CPQ: variants seen among roughly 807,000 people sequenced by gnomAD.
CPQ encodes Ser-Met dipeptidase.
In CPQ, 37 loss-of-function variants were observed where a neutral mutation model predicts 45.7. That is an observed-to-expected ratio of 0.81 (90% CI 0.62 to 1.07). The LOEUF is 1.07. Ranked by LOEUF, CPQ falls within the 50% of genes least tolerant of loss-of-function variation. The pLI is 0.00. For missense variants in CPQ, 537 were observed against 572.9 expected (o/e 0.94, Z 0.64); for synonymous variants, 186 against 205.8 (o/e 0.90, Z 0.82).
intron 6 of CPQ, among the ~76,000 whole-genome samples, chr8:97,040,552 C>T (rs1810100476): frequency 6.6e-6 from 1 of 152,220 alleles, no homozygotes; most frequent in South Asian, 2.1e-4. Context: ...ACATGAAGGC[C>T]TTGCCCATGC....
At chr8:96,963,280 T>G (rs1813492065) in intron 4 of CPQ, among the ~76,000 whole-genome samples, 1 of 152,274 alleles carries the variant, frequency 6.6e-6, no homozygotes, top group African/African-American at 2.4e-5. Context: ...GAATGTTGAC[T>G]AATTGGGCTG....
At chr8:96,675,859 T>C (rs1809070771) in intron 1 of CPQ, among the ~76,000 whole-genome samples, 1 of 152,084 alleles carries the variant, frequency 6.6e-6, no homozygotes, top group East Asian at 1.9e-4. Flanking sequence ...GAAAATATTA[T>C]TGATCCTTTT....
At position 96,806,515 on chromosome 8, in the gene CPQ, A is replaced by G. The variant is rs187173435; in HGVS notation, c.433+21185A>G. ...TAAAAATATGAAATTATTATTAAGG[A>G]AGAGTAGTAAACCAGGTCAGATTTA... is the stretch of plus-strand genomic sequence containing the variant. On this transcript the variant is annotated intron_variant, in intron 2 of 7. Coordinates refer to ENST00000220763, the MANE Select transcript of CPQ (RefSeq NM_016134.4). 2.3e-3 allele frequency among the ~76,000 whole-genome samples: 346 copies of G among 152,294 alleles called. 4 individuals are homozygous for G. Among genetic ancestry groups the G allele is most frequent in the African/African-American group, 8.1e-3 (338 of 41,564 alleles).
chr8:96,909,747 C>T (rs1051668368), intron 4 of CPQ, among the ~76,000 whole-genome samples: 1 of 152,110 alleles, frequency 6.6e-6, no homozygotes, highest in Non-Finnish European at 1.5e-5. Context: ...CTCTGGTAGC[C>T]AGCCTGCCTG....
intron 2 of CPQ, among the ~76,000 whole-genome samples, chr8:96,824,760 T>C (rs1811355651): frequency 6.6e-6 from 1 of 152,044 alleles, no homozygotes; most frequent in Non-Finnish European, 1.5e-5. Flanking sequence ...GGATGCCTGG[T>C]TTTCTTAATT....
chr8:97,028,794 A>G (rs749387179), intron 5 of CPQ, among the ~76,000 whole-genome samples: 3 of 152,232 alleles, frequency 2.0e-5, no homozygotes, highest in Non-Finnish European at 2.9e-5. Context: ...TAAGGTCAAT[A>G]AATGTCATCC....
rs532724520 is a variant in CPQ, at chr8:97,077,171, G to C, written c.1255+10961G>C. On this transcript the variant is annotated intron_variant, in intron 7 of 7. Transcript: ENST00000220763. ...ATATCAAGCAATTCAACTTTTTCTT[G>C]TAAAGTCACGACTTTTCCCTGCTTC... 6.6e-5 allele frequency among the ~76,000 whole-genome samples: 10 copies of C among 152,250 alleles called. No homozygotes were observed. The East Asian group carries it at 1.4e-3, about 21-fold the overall frequency.
chr8:96,969,924 G>A (rs1368328618), intron 5 of CPQ, among the ~76,000 whole-genome samples: 1 of 152,206 alleles, frequency 6.6e-6, no homozygotes, highest in African/African-American at 2.4e-5. Flanking sequence ...GAGGTAAGGA[G>A]TTGGAAGAGT....
At chr8:97,089,724 C>G (rs927039160) in intron 7 of CPQ, among the ~76,000 whole-genome samples, 2 of 152,146 alleles carry the variant, frequency 1.3e-5, no homozygotes, top group East Asian at 3.9e-4. Flanking sequence ...GTGTATTGAA[C>G]TCAACCTAGG....
At chr8:96,708,983 T>A (rs921894085) in intron 1 of CPQ, among the ~76,000 whole-genome samples, 19 of 152,164 alleles carry the variant, frequency 1.2e-4, no homozygotes, top group Admixed American at 1.1e-3. Flanking sequence ...TAGAATTTAA[T>A]TTTTTTATAG....
chr8:96,738,103 C>A (rs1414269082), intron 1 of CPQ, among the ~76,000 whole-genome samples: 1 of 152,018 alleles, frequency 6.6e-6, no homozygotes, highest in Non-Finnish European at 1.5e-5. Context: ...GATATAGATT[C>A]TCTGAAATTT....
intron 1 of CPQ, among the ~76,000 whole-genome samples, chr8:96,750,613 C>CT (rs1000073941): frequency 4.9e-5 from 7 of 143,764 alleles, no homozygotes; most frequent in East Asian, 2.0e-4. Context: ...CTGGTTTTCA[C>CT]TTTTTTTTTT....
intron 1 of CPQ, among the ~76,000 whole-genome samples, chr8:96,728,493 C>CT (rs1809871860): frequency 6.6e-6 from 1 of 152,122 alleles, no homozygotes; most frequent in Admixed American, 6.6e-5. Flanking sequence ...AGGTCTTTGA[C>CT]TTTCCCCCGT....
At chr8:96,730,763 T>A (rs1809900447) in intron 1 of CPQ, among the ~76,000 whole-genome samples, 1 of 151,182 alleles carries the variant, frequency 6.6e-6, no homozygotes, top group African/African-American at 2.4e-5. Flanking sequence ...AGAATTTGTC[T>A]CAGGTGTGGC....
intron 1 of CPQ, among the ~76,000 whole-genome samples, chr8:96,656,610 T>A (rs1041955392): frequency 1.3e-5 from 2 of 152,144 alleles, no homozygotes; most frequent in African/African-American, 2.4e-5. Flanking sequence ...GATTTCTGCG[T>A]CAGGCAATTC....
intron 1 of CPQ, among the ~76,000 whole-genome samples, chr8:96,659,957 C>A (rs113372970): frequency 6.6e-6 from 1 of 152,176 alleles, no homozygotes; most frequent in Non-Finnish European, 1.5e-5. Flanking sequence ...CATGTTACTT[C>A]CTCTCTCAGA....
intron 4 of CPQ, among the ~76,000 whole-genome samples, chr8:96,949,944 A>G (rs919383615): frequency 1.3e-5 from 2 of 152,110 alleles, no homozygotes; most frequent in Admixed American, 6.6e-5. Context: ...TTTTATGTTT[A>G]CTTTTTATGT....
At chr8:96,694,406 G>T (rs946390901) in intron 1 of CPQ, among the ~76,000 whole-genome samples, 3 of 151,714 alleles carry the variant, frequency 2.0e-5, no homozygotes, top group Non-Finnish European at 4.4e-5. Flanking sequence ...GACTTAATCT[G>T]CACAGTAGAT....
intron 7 of CPQ, among the ~76,000 whole-genome samples, chr8:97,106,174 A>G (rs1432891397): frequency 6.6e-6 from 1 of 152,192 alleles, no homozygotes; most frequent in Non-Finnish European, 1.5e-5. Flanking sequence ...TTTATATGTG[A>G]GAATGAATGT....
Sources: gnomAD v4.1 joint callset for allele counts (sites outside exome capture counted in the v4.1 genomes callset) on GRCh38, gnomAD v4.1.1 for gene constraint, MANE v1.5 for transcripts, NCBI Gene and HGNC (gene_info 2026-07-23, HGNC 2026-07-21) for gene names.